The following SLC14A1 variants were observed in gnomAD, a reference collection of about 807,000 sequenced individuals.
SLC14A1 encodes the protein solute carrier family 14 member 1 (Kidd blood group).
Under a neutral mutation model 39.6 loss-of-function variants are expected in SLC14A1, and 36 were observed. The ratio of observed to expected loss-of-function variants is 0.91; its 90% CI spans 0.70 to 1.20. The LOEUF is 1.20. Ranked by LOEUF, SLC14A1 falls within the 50% of genes most tolerant of loss-of-function variation. The probability of loss-of-function intolerance (pLI) is 0.00; values close to 1 mark genes in which losing one functional copy is unlikely to be tolerated. For synonymous variants in SLC14A1, 164 were observed against 173.6 expected (o/e 0.94, Z 0.43); for missense variants, 469 against 478.7 (o/e 0.98, Z 0.19).
chr18:45,749,685 C>G, intron 9 of SLC14A1, 93 bp from the exon 10 acceptor site: 1 of 1,433,176 alleles, frequency 7.0e-7, no homozygotes, highest in Non-Finnish European at 9.8e-7. Context: ...GGTTCATCCC[C>G]CTGGGCTGAA....
chr18:45,745,563 A>T (rs913709923), intron 8 of SLC14A1, among the ~76,000 whole-genome samples: 7 of 152,220 alleles, frequency 4.6e-5, no homozygotes, highest in African/African-American at 1.7e-4. Flanking sequence ...GTTTGAAATC[A>T]TTACAAAGAG....
intron 8 of SLC14A1, among the ~76,000 whole-genome samples, chr18:45,746,729 C>A (rs1218829077): frequency 3.3e-5 from 5 of 152,200 alleles, no homozygotes; most frequent in Admixed American, 6.5e-5. Flanking sequence ...CTGCTCAGAG[C>A]AGTAGCTCAG....
chr18:45,749,691 C>A (rs977271832), intron 9 of SLC14A1, 87 bp from the exon 10 acceptor site: 2 of 1,495,256 alleles, frequency 1.3e-6, no homozygotes, highest in African/African-American at 2.8e-5. Context: ...TCCCCCTGGG[C>A]TGAATGCAAG....
intron 4 of SLC14A1, among the ~76,000 whole-genome samples, chr18:45,733,904 ATG>A (rs1308831877): frequency 4.6e-5 from 7 of 152,310 alleles, no homozygotes; most frequent in Admixed American, 2.0e-4. Flanking sequence ...TGAACTGGGC[ATG>A]TGAGGGATCT....
chr18:45,744,821 T>G, intron 8 of SLC14A1, among the ~76,000 whole-genome samples: 1 of 152,240 alleles, frequency 6.6e-6, no homozygotes, highest in Non-Finnish European at 1.5e-5. Context: ...AACTCTTGAC[T>G]TTTTCTTAAT....
Position 45,739,659 on chromosome 18 carries a change from TGTG to T in SLC14A1, c.946+1_946+3del. The T allele has an allele frequency of 6.2e-7, 1 of 1,614,156 alleles. No homozygotes were observed. The highest frequency in any genetic ancestry group is 8.5e-7 in the Non-Finnish European group (1 of 1,180,020). On this transcript the variant is annotated inframe_deletion and splice_region_variant, in exon 8 of 10. Coordinates refer to ENST00000321925, the MANE Select transcript of SLC14A1 (RefSeq NM_015865.7). ...GCAAACCCACCTCCTGGCTCTTGGCTGTGGTGAGTCTCCCACGCCCCTGGGGGA... is the reference window on the plus strand; with the variant it reads ...GCAAACCCACCTCCTGGCTCTTGGCTGTGAGTCTCCCACGCCCCTGGGGGA...
At chr18:45,731,289 C>T (rs189771012) in intron 4 of SLC14A1, 85 bp downstream of exon 4, 85 of 1,278,910 alleles carry the variant, frequency 6.6e-5, no homozygotes, top group Admixed American at 6.8e-5. Flanking sequence ...GATAAAACCA[C>T]ATCCTTCCCA....
chr18:45,748,808 A>G (rs1309972633), intron 9 of SLC14A1, among the ~76,000 whole-genome samples: 2 of 152,210 alleles, frequency 1.3e-5, no homozygotes, highest in African/African-American at 2.4e-5. Context: ...AGCTTAGTCC[A>G]TGTTGATGTG....
At chr18:45,735,907 G>A (rs949110256) in intron 5 of SLC14A1, among the ~76,000 whole-genome samples, 13 of 152,122 alleles carry the variant, frequency 8.5e-5, no homozygotes, top group African/African-American at 1.7e-4. Flanking sequence ...AAGGAGATGC[G>A]CCTTGCCTAG....
chr18:45,738,789 A>C (rs2047270271), intron 6 of SLC14A1, among the ~76,000 whole-genome samples: 1 of 152,170 alleles, frequency 6.6e-6, no homozygotes, highest in South Asian at 2.1e-4. Context: ...AAGAAGTGTC[A>C]GCTGTGGTCC....
In SLC14A1 at chr18:45,752,110, A is replaced by G. The variant is rs1271216159; in HGVS notation, c.*2159A>G. ...TTGGAACTATGAATTTGCAACTGTC[A>G]TAGGTTTATGGATATTGCTGTGGAG... On this transcript the variant is annotated 3_prime_UTR_variant, in exon 10 of 10. Coordinates refer to ENST00000321925, the MANE Select transcript of SLC14A1 (RefSeq NM_015865.7). 1.0e-6 allele frequency: 1 copy of G among 985,332 alleles called. No individual in the cohort carries two copies. Among genetic ancestry groups the G allele is most frequent in the Admixed American group, 6.1e-5 (1 of 16,262 alleles). The allele number at this position is 985,332 out of a possible 1,614,324, so 61.0% of individuals were successfully genotyped here.
chr18:45,731,259 C>G, intron 4 of SLC14A1, 55 bp downstream of exon 4: 1 of 1,532,092 alleles, frequency 6.5e-7, no homozygotes, highest in Non-Finnish European at 9.0e-7. Flanking sequence ...AGGGGCTGAC[C>G]AGTTACTGTG....
At chr18:45,730,027 C>A in intron 2 of SLC14A1, 1 of 329,682 alleles carries the variant, frequency 3.0e-6, no homozygotes, top group Non-Finnish European at 5.6e-6. Flanking sequence ...AAGAAATACA[C>A]GCTTAGTAAA....
chr18:45,741,076 A>G (rs1305073274), intron 8 of SLC14A1: 2 of 151,750 alleles, frequency 1.3e-5, no homozygotes, highest in Non-Finnish European at 2.9e-5. Context: ...GGGTAAATCC[A>G]CCCCCGGAAC....
intron 2 of SLC14A1, chr18:45,729,637 A>AT (rs1341541363): frequency 6.6e-6 from 1 of 152,180 alleles, no homozygotes; most frequent in Non-Finnish European, 1.5e-5. Flanking sequence ...CTGGTTTTAC[A>AT]TATTTAAATA....
intron 5 of SLC14A1, among the ~76,000 whole-genome samples, chr18:45,736,203 T>A (rs2047187921): frequency 6.6e-6 from 1 of 152,208 alleles, no homozygotes; most frequent in African/African-American, 2.4e-5. Flanking sequence ...TCTCAATATA[T>A]AGCTCACTCT....
intron 3 of SLC14A1, 74 bp from the exon 4 acceptor site, chr18:45,730,941 G>T (rs2047010919): frequency 1.5e-6 from 2 of 1,317,306 alleles, no homozygotes; most frequent in Non-Finnish European, 2.2e-6. Context: ...TGCTGATTTT[G>T]CTCAGGGTGG....
intron 4 of SLC14A1, 65 bp downstream of exon 4, chr18:45,731,269 G>A: frequency 2.8e-6 from 4 of 1,449,136 alleles, no homozygotes; most frequent in South Asian, 1.1e-5. Flanking sequence ...CAGTTACTGT[G>A]GGCAACAGTG....
intron 2 of SLC14A1, chr18:45,729,064 C>T (rs2046949068): frequency 6.6e-6 from 1 of 152,116 alleles, no homozygotes; most frequent in Non-Finnish European, 1.5e-5. Context: ...AATGATGGGG[C>T]CAGAAATATC....
Sources: allele counts gnomAD v4.1 joint callset (sites outside exome capture counted in the v4.1 genomes callset), GRCh38; gene constraint gnomAD v4.1.1; transcripts MANE v1.5; gene names NCBI Gene and HGNC (gene_info 2026-07-23, HGNC 2026-07-21).